UBR4: variants seen among roughly 807,000 people sequenced by gnomAD.
UBR4 encodes ubiquitin protein ligase E3 component n-recognin 4.
Under a neutral mutation model 575.6 loss-of-function variants are expected in UBR4, and 124 were observed. That is an observed-to-expected ratio of 0.22 (90% confidence interval 0.19 to 0.25). The LOEUF is 0.25. Among genes scored for constraint, UBR4 ranks in the 10% least tolerant of loss-of-function variants. UBR4 has a pLI of 1.00. For missense variants in UBR4, 4,818 were observed against 6,478.8 expected (o/e 0.74, Z 8.80); for synonymous variants, 2,455 against 2,473.7 (o/e 0.99, Z 0.22).
At chr1:19,198,397 A>C (rs2092580688) in intron 5 of UBR4, 144 bp downstream of exon 5, 1 of 1,206,328 alleles carries the variant, frequency 8.3e-7, no homozygotes, top group Non-Finnish European at 1.1e-6. Context: ...TACTTGTTTT[A>C]TTTTGTATTC....
chr1:19,183,546 A>G (rs940070985), intron 17 of UBR4, among the ~76,000 whole-genome samples: 4 of 152,182 alleles, frequency 2.6e-5, no homozygotes, highest in Non-Finnish European at 5.9e-5. Flanking sequence ...ACAAGGTGAA[A>G]CCCTGTCTCT....
In UBR4 at chr1:19,124,708, G is replaced by A. The variant is rs767159800; in HGVS notation, c.9439-18C>T. The A allele has an allele frequency of 6.2e-6, 10 of 1,604,858 alleles. No homozygotes were observed. The East Asian group carries it at 2.0e-4, about 32-fold the overall frequency. ...GCATGACCCTGGGAGAAGAAAATTTGCATGAGAACCTGTGACTATCGATTT... is the reference window on the plus strand; with the variant it reads ...GCATGACCCTGGGAGAAGAAAATTTACATGAGAACCTGTGACTATCGATTT... On this transcript the variant is annotated intron_variant, in intron 64 of 105. Coordinates refer to ENST00000375254, the MANE Select transcript of UBR4 (RefSeq NM_020765.3).
At chr1:19,128,902 C>T in intron 61 of UBR4, 76 bp downstream of exon 61, 2 of 1,381,594 alleles carry the variant, frequency 1.4e-6, no homozygotes, top group Non-Finnish European at 2.1e-6. Flanking sequence ...TCCAGGTCCT[C>T]TGGAAGAGAG....
chr1:19,203,956 CCT>C (rs539673935), intron 1 of UBR4, among the ~76,000 whole-genome samples: 73 of 152,182 alleles, frequency 4.8e-4, no homozygotes, highest in African/African-American at 1.2e-3. Flanking sequence ...ACTAAATCCC[CCT>C]GTTTCTACCT....
intron 1 of UBR4, among the ~76,000 whole-genome samples, chr1:19,207,464 A>G (rs532805809): frequency 4.5e-4 from 69 of 152,318 alleles, no homozygotes; most frequent in African/African-American, 1.5e-3. Context: ...CCTCGTCTCT[A>G]CTACAAATAC....
rs1359239054 is a variant in UBR4 at position 19,100,295 on chromosome 1, AG to A, written c.13221+80del. 6 of 1,503,972 alleles carry A rather than the reference AG, an allele frequency of 4.0e-6. No individual in the cohort carries two copies. In the African/African-American group the frequency reaches 8.3e-5, roughly 21 times the overall value. 93.2% of individuals were successfully genotyped at this position (1,503,972 alleles called of 1,614,324 possible). On this transcript the variant is annotated intron_variant, in intron 89 of 105. Transcript: ENST00000375254. This position sits in a 1 kb window ranked among gnomAD's most constrained non-coding sequence, Gnocchi z 4.2. ...ACCTGCCCCAAGTTAATCAGCTACT[AG>A]GAAGAAGCACCTGGATTTGGTTAGC...
intron 55 of UBR4, 104 bp from the exon 56 acceptor site, chr1:19,141,881 T>A: frequency 6.6e-7 from 1 of 1,519,412 alleles, no homozygotes; most frequent in Non-Finnish European, 8.9e-7. Flanking sequence ...AGCTACCAGC[T>A]AGCACCCTGG....
intron 35 of UBR4, 88 bp downstream of exon 35, chr1:19,162,332 G>A (rs1426724252): frequency 4.7e-6 from 7 of 1,478,844 alleles, no homozygotes; most frequent in South Asian, 2.7e-5. Flanking sequence ...GAAGCTCACA[G>A]GAGGCTGGAA....
At chr1:19,119,921 G>A (rs1490998855) in intron 69 of UBR4, among the ~76,000 whole-genome samples, 1 of 152,152 alleles carries the variant, frequency 6.6e-6, no homozygotes, top group East Asian at 1.9e-4. Flanking sequence ...AGCTTTTTTA[G>A]CCTGAAGGGT....
chr1:19,131,717 T>C (rs1184811333), intron 60 of UBR4, among the ~76,000 whole-genome samples: 7 of 152,118 alleles, frequency 4.6e-5, no homozygotes, highest in Admixed American at 3.3e-4. Context: ...CTACTAAAAA[T>C]ACAAAATTAG....
Position 19,088,404 on chromosome 1 carries a change from T to C in UBR4, c.14430+355A>G, listed in dbSNP as rs1225088853. Among the ~76,000 whole-genome samples, 3 of 152,238 alleles carry C rather than the reference T, an allele frequency of 2.0e-5. No homozygotes were observed. Among genetic ancestry groups the C allele is most frequent in the Admixed American group, 6.5e-5 (1 of 15,284 alleles). On this transcript the variant is annotated intron_variant, in intron 98 of 105. Coordinates refer to ENST00000375254, the MANE Select transcript of UBR4 (RefSeq NM_020765.3). The surrounding 1 kb of genome is among the most constrained non-coding windows in gnomAD (Gnocchi z 4.0). ...CTTTGTGTCAACCACTTATTAGTTA[T>C]GTGCCTTGGCCTATTTACTTCACCT... is the stretch of plus-strand genomic sequence containing the variant.
intron 55 of UBR4, among the ~76,000 whole-genome samples, chr1:19,143,259 G>GAAGAAAGA (rs200550539): frequency 0.021 from 1,954 of 91,406 alleles, 39 homozygotes; most frequent in East Asian, 0.034. Flanking sequence ...AGGAAGGAAG[G>GAAGAAAGA]AAGAAAGAAA....
rs754024032 is a variant in UBR4, at chr1:19,128,196, C to A, written c.9111+15G>T. 26 of 1,607,150 alleles carry A rather than the reference C, an allele frequency of 1.6e-5. No homozygotes were observed. The African/African-American group carries it at 3.1e-4, about 19-fold the overall frequency. ...CCAATCCTGTTTCTCACACAGTCTG[C>A]CTCTCAGATTTTACCTTTTTATCCA... On this transcript the variant is annotated intron_variant, in intron 62 of 105. Coordinates refer to ENST00000375254, the MANE Select transcript of UBR4 (RefSeq NM_020765.3).
At chr1:19,174,878 C>T (rs1161452789) in intron 21 of UBR4, 76 bp downstream of exon 21, 1 of 1,385,426 alleles carries the variant, frequency 7.2e-7, no homozygotes, top group Non-Finnish European at 1.0e-6. Context: ...CAGTCATTCC[C>T]TTTCCCCCCA....
rs766313442 is a variant in UBR4, at chr1:19,197,649, G to A, written c.893+21C>T. 1.4e-5 allele frequency: 22 copies of A among 1,612,778 alleles called. No homozygotes were observed. The Middle Eastern group carries it at 4.9e-4, about 36-fold the overall frequency. ...CCCAAAAACAAAAAAAGTAAAGCAT[G>A]TGCACTGTGAAGCACCTTACCCATT... On this transcript the variant is annotated intron_variant, in intron 7 of 105. Coordinates refer to ENST00000375254, the MANE Select transcript of UBR4 (RefSeq NM_020765.3).
intron 1 of UBR4, among the ~76,000 whole-genome samples, chr1:19,208,127 T>C (rs547289515): frequency 6.6e-6 from 1 of 152,308 alleles, no homozygotes; most frequent in East Asian, 1.9e-4. Flanking sequence ...AGAGGACACA[T>C]AGGCTTTCAA....
chr1:19,190,311 AAATATAT>A, intron 11 of UBR4, among the ~76,000 whole-genome samples: 1 of 120,968 alleles, frequency 8.3e-6, no homozygotes, highest in African/African-American at 3.1e-5. Flanking sequence ...AAAAAAAAAA[AAATATAT>A]ATATATATAT....
In UBR4 at chr1:19,088,661, C is replaced by T. The variant is rs188824688; in HGVS notation, c.14430+98G>A. 12 of 1,229,684 alleles carry T rather than the reference C, an allele frequency of 9.8e-6. No homozygotes were observed. In the South Asian group the frequency reaches 1.4e-4, roughly 15 times the overall value. The allele number at this position is 1,229,684 out of a possible 1,614,324, so 76.2% of individuals were successfully genotyped here. ...AGTTCCTTCCTCCTACTCTGTCCAG[C>T]CTTCTCTTTCCCCATGGCCAACCCC... On this transcript the variant is annotated intron_variant, in intron 98 of 105. Transcript: ENST00000375254. This position sits in a 1 kb window ranked among gnomAD's most constrained non-coding sequence, Gnocchi z 4.0.
At chr1:19,174,866 G>T in intron 21 of UBR4, 88 bp downstream of exon 21, 3 of 1,224,122 alleles carry the variant, frequency 2.5e-6, no homozygotes, top group Non-Finnish European at 3.5e-6. Flanking sequence ...ACTATAAAAA[G>T]TCAGTCATTC....
Sources: allele counts gnomAD v4.1 joint callset (sites outside exome capture counted in the v4.1 genomes callset), GRCh38; gene constraint gnomAD v4.1.1; non-coding constraint Gnocchi (gnomAD v3.1); transcripts MANE v1.5; gene names NCBI Gene and HGNC (gene_info 2026-07-23, HGNC 2026-07-21).